HIVEP3: variants seen among roughly 807,000 people sequenced by gnomAD.
HIVEP3 encodes the protein HIVEP zinc finger 3, also known as transcription factor HIVEP3.
In HIVEP3, 49 loss-of-function variants were observed where a neutral mutation model predicts 152.8. That is an observed-to-expected ratio of 0.32 (90% CI 0.26 to 0.41). HIVEP3 has a LOEUF of 0.41. HIVEP3 is among the 10% of genes least tolerant of loss of function. The pLI is 1.00. For missense variants in HIVEP3, 2,790 were observed against 3,103.3 expected (o/e 0.90, Z 2.40); for synonymous variants, 1,269 against 1,289.0 (o/e 0.98, Z 0.33).
At chr1:41,880,162 C>T (rs72963278) in intron 1 of HIVEP3, among the ~76,000 whole-genome samples, 10,610 of 152,138 alleles carry the variant, frequency 0.07, 1,200 homozygotes, top group African/African-American at 0.24. Flanking sequence ...CAGTCTCAAG[C>T]GATCCTCCTA....
At chr1:41,547,756 A>C (rs1026408060) in intron 5 of HIVEP3, among the ~76,000 whole-genome samples, 2 of 152,182 alleles carry the variant, frequency 1.3e-5, no homozygotes, top group Non-Finnish European at 2.9e-5. Flanking sequence ...TCATGTATTC[A>C]TTGCCACTCT....
intron 1 of HIVEP3, among the ~76,000 whole-genome samples, chr1:41,862,481 C>T (rs1643899858): frequency 6.6e-6 from 1 of 152,144 alleles, no homozygotes; most frequent in Non-Finnish European, 1.5e-5. Context: ...CTTTTCTCCT[C>T]CCCTCTCCCC....
intron 2 of HIVEP3, among the ~76,000 whole-genome samples, chr1:41,631,340 C>CA (rs1645190814): frequency 6.6e-6 from 1 of 152,138 alleles, no homozygotes. Context: ...GAGTGCCTTC[C>CA]AGGGCCCGTA....
intron 1 of HIVEP3, among the ~76,000 whole-genome samples, chr1:41,938,131 C>T (rs77432981): frequency 5.3e-4 from 80 of 152,240 alleles, no homozygotes; most frequent in African/African-American, 1.5e-3. Flanking sequence ...TTACTCAGGA[C>T]GCAATTTAAA....
chr1:41,556,974 T>G (rs1161881147), intron 5 of HIVEP3, among the ~76,000 whole-genome samples: 1 of 152,260 alleles, frequency 6.6e-6, no homozygotes, highest in Non-Finnish European at 1.5e-5. Flanking sequence ...CTCTCTGTTG[T>G]ATTCCACTGA....
In HIVEP3 at chr1:41,569,814, G is replaced by A. The variant is rs552344785; in HGVS notation, c.5207+5730C>T. Among the ~76,000 whole-genome samples, 4 of 152,080 alleles carry A rather than the reference G, an allele frequency of 2.6e-5. No homozygotes were observed. In the South Asian group the frequency reaches 6.2e-4, roughly 24 times the overall value. ...TACACTGCATGAACTCTTAAGACTTGGATAAAAATTAATTCAGCTATAGAA... is the reference window on the plus strand; with the variant it reads ...TACACTGCATGAACTCTTAAGACTTAGATAAAAATTAATTCAGCTATAGAA... On this transcript the variant is annotated intron_variant, in intron 5 of 8. Coordinates refer to ENST00000372583, the MANE Select transcript of HIVEP3 (RefSeq NM_024503.5).
chr1:41,562,895 T>C (rs1285217707), intron 5 of HIVEP3, among the ~76,000 whole-genome samples: 1 of 152,044 alleles, frequency 6.6e-6, no homozygotes, highest in Non-Finnish European at 1.5e-5. Flanking sequence ...TGTTAGAAGC[T>C]GTCAGACTCC....
chr1:41,750,054 G>A (rs1027926669), intron 1 of HIVEP3, among the ~76,000 whole-genome samples: 2 of 152,158 alleles, frequency 1.3e-5, no homozygotes, highest in Non-Finnish European at 1.5e-5. Context: ...CCTTAGAGGC[G>A]GTGGAGCCTC....
intron 1 of HIVEP3, among the ~76,000 whole-genome samples, chr1:41,938,090 T>C (rs1212079397): frequency 6.6e-6 from 1 of 152,198 alleles, no homozygotes; most frequent in Non-Finnish European, 1.5e-5. Context: ...GAACACGCTT[T>C]CCTCTCTTTC....
intron 1 of HIVEP3, among the ~76,000 whole-genome samples, chr1:41,758,469 G>A (rs1319058706): frequency 6.6e-6 from 1 of 152,200 alleles, no homozygotes; most frequent in African/African-American, 2.4e-5. Flanking sequence ...ATGGACCAAG[G>A]TAGTGGTTCC....
chr1:41,659,961 T>C (rs1645687355), intron 2 of HIVEP3, among the ~76,000 whole-genome samples: 1 of 152,126 alleles, frequency 6.6e-6, no homozygotes, highest in Non-Finnish European at 1.5e-5. Context: ...TGTGTGTGTG[T>C]GAGAGTGTGC....
intron 2 of HIVEP3, among the ~76,000 whole-genome samples, chr1:41,676,677 G>C (rs1645961357): frequency 6.6e-6 from 1 of 152,002 alleles, no homozygotes; most frequent in East Asian, 1.9e-4. Flanking sequence ...CCTTTCTTCT[G>C]GCAAGAATTC....
chr1:41,508,587 G>A lies in HIVEP3; in HGVS notation c.*1864C>T, dbSNP rs2151674. 0.58 allele frequency: 87,883 copies of A among 152,286 alleles called. 27,084 individuals are homozygous for A. Among genetic ancestry groups the A allele is most frequent in the South Asian group, 0.78 (3,787 of 4,826 alleles). The allele number at this position is 152,286 out of a possible 1,614,324, so 9.4% of individuals were successfully genotyped here. On this transcript the variant is annotated 3_prime_UTR_variant, in exon 9 of 9. Transcript: ENST00000372583. The stretch of plus-strand genomic sequence containing the variant: ...TTAGCTCTGAGGCAAAGGAGAATGA[G>A]TGAACAAGGTGGTCTGGCTGCAGGC...
At chr1:41,897,386 T>C (rs1644546389) in intron 1 of HIVEP3, among the ~76,000 whole-genome samples, 1 of 152,068 alleles carries the variant, frequency 6.6e-6, no homozygotes, top group South Asian at 2.1e-4. Flanking sequence ...AGGTGGAGCC[T>C]ATAGGAAGTG....
rs751307203 is a variant in HIVEP3, at chr1:41,581,988, T to C, written c.2810A>G (p.Asn937Ser). ...GCGGCTGGACCCACTCAAAGAGACA[T>C]TGCTTTCCTGGCTCGGGCTGCGAGA... ...PLSRSPSQES[N>S]VSLSGSSRSA... The change falls in exon 4 of 9, where the codon AAT becomes AGT. Residue 937 changes from asparagine (N) to serine (S), a missense_variant. Asn to Ser is a conservative substitution (Grantham distance 46, BLOSUM62 1). Transcript: ENST00000372583. This position sits in a 1 kb window ranked among gnomAD's most constrained non-coding sequence, Gnocchi z 4.5. The C allele has an allele frequency of 1.2e-6, 2 of 1,614,018 alleles. No individual in the cohort carries two copies. Among genetic ancestry groups the C allele is most frequent in the Admixed American group, 1.7e-5 (1 of 59,996 alleles).
chr1:41,625,017 A>T (rs934593885), intron 3 of HIVEP3, among the ~76,000 whole-genome samples: 9 of 152,098 alleles, frequency 5.9e-5, no homozygotes, highest in African/African-American at 2.2e-4. Context: ...TACAAAAATT[A>T]GCTGGTGTGG....
At chr1:41,881,078 G>A (rs1417795141) in intron 1 of HIVEP3, among the ~76,000 whole-genome samples, 1 of 152,188 alleles carries the variant, frequency 6.6e-6, no homozygotes, top group Non-Finnish European at 1.5e-5. Flanking sequence ...GGAGAAAGGA[G>A]TTGGCTGTGA....
intron 1 of HIVEP3, among the ~76,000 whole-genome samples, chr1:41,804,868 A>C (rs1393496457): frequency 6.6e-6 from 1 of 152,200 alleles, no homozygotes; most frequent in Non-Finnish European, 1.5e-5. Flanking sequence ...CTGTGTATAC[A>C]CACATTTTTA....
At chr1:41,546,671 C>T (rs1486510148) in intron 5 of HIVEP3, among the ~76,000 whole-genome samples, 1 of 152,216 alleles carries the variant, frequency 6.6e-6, no homozygotes, top group African/African-American at 2.4e-5. Flanking sequence ...CTTCTTGAAG[C>T]AGGGCTGATG....
Sources: gnomAD v4.1 joint callset for allele counts (sites outside exome capture counted in the v4.1 genomes callset) on GRCh38, gnomAD v4.1.1 for gene constraint, Gnocchi (gnomAD v3.1) non-coding constraint, MANE v1.5 for transcripts, NCBI Gene and HGNC (gene_info 2026-07-23, HGNC 2026-07-21) for gene names.